Variants in NMNAT3 observed in about 807,000 individuals in gnomAD.
NMNAT3 encodes the protein nicotinamide/nicotinic acid mononucleotide adenylyltransferase 3.
A neutral mutation model predicts 24.8 loss-of-function variants in NMNAT3; 21 were observed. The observed-to-expected ratio is 0.85, with a 90% CI of 0.60 to 1.22. NMNAT3 has a LOEUF of 1.22. NMNAT3 is among the 50% of genes most tolerant of loss of function. The probability of loss-of-function intolerance (pLI) is 0.00; values close to 1 mark genes in which losing one functional copy is unlikely to be tolerated. For synonymous variants in NMNAT3, 136 were observed against 155.2 expected (o/e 0.88, Z 0.92); for missense variants, 387 against 436.6 (o/e 0.89, Z 1.01).
chr3:139,563,272 A>C (rs537982392), intron 6 of NMNAT3, among the ~76,000 whole-genome samples: 1 of 152,298 alleles, frequency 6.6e-6, no homozygotes, highest in South Asian at 2.1e-4. Context: ...CCAATTTCTT[A>C]TCTATCCAAC....
intron 3 of NMNAT3, among the ~76,000 whole-genome samples, chr3:139,595,113 T>A (rs534288964): frequency 1.3e-5 from 2 of 152,280 alleles, no homozygotes; most frequent in South Asian, 4.2e-4. Flanking sequence ...CTTCAGCAAG[T>A]CTCAGGATAC....
chr3:139,569,474 C>T, intron 6 of NMNAT3: 1 of 152,200 alleles, frequency 6.6e-6, no homozygotes, highest in Non-Finnish European at 1.5e-5. Context: ...TTTGCAGTGG[C>T]TGGTACCAGT....
intron 3 of NMNAT3, chr3:139,583,487 AG>A: frequency 6.3e-7 from 1 of 1,599,172 alleles, no homozygotes; most frequent in East Asian, 2.2e-5. Context: ...TAAGTTTTGA[AG>A]GGGATCTTCT....
chr3:139,581,954 G>A (rs1191798952), intron 4 of NMNAT3, among the ~76,000 whole-genome samples: 1 of 151,964 alleles, frequency 6.6e-6, no homozygotes, highest in African/African-American at 2.4e-5. Flanking sequence ...CAGCACTTTG[G>A]GAGGCCGGGG....
chr3:139,650,829 C>T (rs1025089984), intron 1 of NMNAT3, among the ~76,000 whole-genome samples: 3 of 152,180 alleles, frequency 2.0e-5, no homozygotes, highest in Admixed American at 6.5e-5. Flanking sequence ...TTCCCTTCCT[C>T]GAGGCAGAAG....
intron 4 of NMNAT3, 128 bp from the exon 5 acceptor site, chr3:139,579,183 C>T (rs902707079): frequency 6.8e-6 from 5 of 736,330 alleles, no homozygotes; most frequent in African/African-American, 1.8e-5. Flanking sequence ...GGCATTCTCT[C>T]ATGGGGGAGA....
At chr3:139,652,130 A>G (rs2108391720) in intron 1 of NMNAT3, among the ~76,000 whole-genome samples, 1 of 152,274 alleles carries the variant, frequency 6.6e-6, no homozygotes, top group South Asian at 2.1e-4. Context: ...TCGTGCCCTG[A>G]GTCCTACCCT....
intron 3 of NMNAT3, among the ~76,000 whole-genome samples, chr3:139,616,786 G>GT (rs2055524966): frequency 6.6e-6 from 1 of 152,270 alleles, no homozygotes; most frequent in Admixed American, 6.5e-5. Flanking sequence ...GTGTGTGTGT[G>GT]TATGTGCTGC....
chr3:139,593,207 T>G (rs2054281631), intron 3 of NMNAT3, among the ~76,000 whole-genome samples: 1 of 151,812 alleles, frequency 6.6e-6, no homozygotes, highest in Non-Finnish European at 1.5e-5. Flanking sequence ...CCAACAAAGA[T>G]CAAAAGAGAC....
intron 3 of NMNAT3, among the ~76,000 whole-genome samples, chr3:139,591,904 C>T (rs2054207054): frequency 6.7e-6 from 1 of 149,348 alleles, no homozygotes; most frequent in Admixed American, 6.7e-5. Context: ...CTCTAAAAAT[C>T]AGAGCGCCTC....
intron 3 of NMNAT3, among the ~76,000 whole-genome samples, chr3:139,619,971 A>T (rs758214977): frequency 1.3e-5 from 2 of 152,170 alleles, no homozygotes; most frequent in Non-Finnish European, 2.9e-5. Flanking sequence ...ATACCATCTA[A>T]TATCCAGCCA....
intron 3 of NMNAT3, among the ~76,000 whole-genome samples, chr3:139,613,354 T>C (rs1576647060): frequency 2.6e-5 from 4 of 152,150 alleles, no homozygotes; most frequent in Non-Finnish European, 5.9e-5. Flanking sequence ...CAAAAGAAGA[T>C]ATTTATGCAG....
At chr3:139,570,476 A>T (rs1272087495) in intron 6 of NMNAT3, 1 of 152,004 alleles carries the variant, frequency 6.6e-6, no homozygotes. Flanking sequence ...TTGTGGTTTT[A>T]TCTACCTTTG....
At chr3:139,594,563 A>G (rs1413778572) in intron 3 of NMNAT3, among the ~76,000 whole-genome samples, 2 of 152,238 alleles carry the variant, frequency 1.3e-5, no homozygotes, top group African/African-American at 2.4e-5. Flanking sequence ...AAAATCCTCA[A>G]TAAAATACTG....
chr3:139,566,274 A>G (rs1336713946), intron 6 of NMNAT3: 2 of 152,002 alleles, frequency 1.3e-5, no homozygotes, highest in Non-Finnish European at 2.9e-5. Context: ...CCTTTGTCAG[A>G]TGAGTAGGTT....
At chr3:139,577,700 C>G (rs576026544) in intron 5 of NMNAT3, 3 of 152,026 alleles carry the variant, frequency 2.0e-5, no homozygotes, top group Admixed American at 2.0e-4. Flanking sequence ...ATATAAGGGT[C>G]TTTGTTTATA....
At chr3:139,655,208 C>T (rs939204654) in intron 1 of NMNAT3, among the ~76,000 whole-genome samples, 3 of 152,208 alleles carry the variant, frequency 2.0e-5, no homozygotes, top group African/African-American at 4.8e-5. Flanking sequence ...GGGAGGCCTG[C>T]GCCAGCCTGC....
intron 3 of NMNAT3, among the ~76,000 whole-genome samples, chr3:139,586,489 T>A (rs1303238883): frequency 6.6e-6 from 1 of 152,170 alleles, no homozygotes; most frequent in Non-Finnish European, 1.5e-5. Context: ...GGAAGCATTT[T>A]CCTTCCATGG....
At chr3:139,613,306 C>T (rs1296580347) in intron 3 of NMNAT3, among the ~76,000 whole-genome samples, 1 of 152,178 alleles carries the variant, frequency 6.6e-6, no homozygotes, top group Non-Finnish European at 1.5e-5. Flanking sequence ...CAAACAACCC[C>T]ATCACAAAGT....
Sources: gnomAD v4.1 joint callset for allele counts (sites outside exome capture counted in the v4.1 genomes callset) on GRCh38, gnomAD v4.1.1 for gene constraint, MANE v1.5 for transcripts, NCBI Gene and HGNC (gene_info 2026-07-23, HGNC 2026-07-21) for gene names.